The following MFHAS1 variants were observed in gnomAD, a reference collection of about 807,000 sequenced individuals.
The protein encoded by MFHAS1 is malignant fibrous histiocytoma-amplified sequence 1.
In MFHAS1, 50 loss-of-function variants were observed where a neutral mutation model predicts 70.4. That is an observed-to-expected ratio of 0.71 (90% CI 0.57 to 0.90). The LOEUF is 0.90. Among genes scored for constraint, MFHAS1 ranks in the 40% least tolerant of loss-of-function variants. The pLI is 0.00. For missense variants in MFHAS1, 1,795 were observed against 1,347.6 expected (o/e 1.33, Z -5.20); for synonymous variants, 952 against 620.0 (o/e 1.54, Z -7.96).
intron 1 of MFHAS1, among the ~76,000 whole-genome samples, chr8:8,809,791 A>C (rs553251915): frequency 6.6e-6 from 1 of 152,304 alleles, no homozygotes; most frequent in South Asian, 2.1e-4. Context: ...GATTATAAAA[A>C]GCCCACAGTG....
intron 1 of MFHAS1, among the ~76,000 whole-genome samples, chr8:8,881,969 G>A (rs781753356): frequency 4.2e-4 from 64 of 152,198 alleles, no homozygotes; most frequent in Middle Eastern, 3.4e-3. Context: ...AGTGCCCCTT[G>A]CCCACTCTTC....
intron 1 of MFHAS1, among the ~76,000 whole-genome samples, chr8:8,883,511 G>C (rs34315433): frequency 0.2 from 30,000 of 150,822 alleles, 3,430 homozygotes; most frequent in African/African-American, 0.31. Context: ...AGTTCAAGAC[G>C]AGCCTGGCCA....
At chr8:8,866,311 CTTTT>C (rs1808855064) in intron 1 of MFHAS1, among the ~76,000 whole-genome samples, 2 of 149,132 alleles carry the variant, frequency 1.3e-5, no homozygotes, top group Admixed American at 1.4e-4. Flanking sequence ...AGGATCACTT[CTTTT>C]TTGTTTTTTT....
chr8:8,797,376 G>T lies in MFHAS1; in HGVS notation c.3114C>A (p.Ser1038Arg). The T allele has an allele frequency of 6.2e-7, 1 of 1,614,064 alleles. No homozygotes were observed. The highest frequency in any genetic ancestry group is 8.5e-7 in the Non-Finnish European group (1 of 1,179,990). The change falls in exon 2 of 3, where the codon AGC becomes AGA. Residue 1038 changes from serine to arginine, a missense_variant. Coordinates refer to ENST00000276282, the MANE Select transcript of MFHAS1 (RefSeq NM_004225.3). ...CTTTGAGAACTCACTTGGAACAGGG[G>T]CTGATCACAGTCGGCGTGGGTGGGT... ...LVYPPTPTVI[S>R]PCSKKNVGEK...
At chr8:8,790,110 G>A (rs1805674199) in intron 2 of MFHAS1, among the ~76,000 whole-genome samples, 2 of 152,156 alleles carry the variant, frequency 1.3e-5, no homozygotes, top group Non-Finnish European at 2.9e-5. Flanking sequence ...CACTGTCTAT[G>A]CAATATCATA....
chr8:8,853,605 C>T (rs966079824), intron 1 of MFHAS1, among the ~76,000 whole-genome samples: 1 of 152,018 alleles, frequency 6.6e-6, no homozygotes, highest in Non-Finnish European at 1.5e-5. Flanking sequence ...CTTGTTCTGT[C>T]GCCCAGGCTG....
At chr8:8,851,812 A>C (rs441641) in intron 1 of MFHAS1, among the ~76,000 whole-genome samples, 12,377 of 152,230 alleles carry the variant, frequency 0.081, 1,351 homozygotes, top group African/African-American at 0.25. Context: ...ACATGGAAAA[A>C]GAGGAAGTTG....
At chr8:8,812,320 C>T (rs1001653282) in intron 1 of MFHAS1, among the ~76,000 whole-genome samples, 6 of 152,168 alleles carry the variant, frequency 3.9e-5, no homozygotes, top group Non-Finnish European at 8.8e-5. Flanking sequence ...TTAGCATCCC[C>T]CTTTTTGTCC....
chr8:8,888,935 C>T (rs919121765), intron 1 of MFHAS1, among the ~76,000 whole-genome samples: 3 of 148,930 alleles, frequency 2.0e-5, no homozygotes, highest in African/African-American at 5.0e-5. Flanking sequence ...GGTGAAGCTA[C>T]GCATGTGGGG....
intron 2 of MFHAS1, chr8:8,790,578 A>T (rs1012403134): frequency 1.2e-5 from 2 of 163,540 alleles, no homozygotes; most frequent in African/African-American, 4.8e-5. Context: ...AATCAATGCA[A>T]ATCAATGTGA....
At chr8:8,885,017 G>C (rs1809697454) in intron 1 of MFHAS1, among the ~76,000 whole-genome samples, 1 of 151,272 alleles carries the variant, frequency 6.6e-6, no homozygotes, top group Non-Finnish European at 1.5e-5. Flanking sequence ...AAACATCTGA[G>C]AGGCTCTGCA....
At chr8:8,864,963 A>G (rs943466618) in intron 1 of MFHAS1, among the ~76,000 whole-genome samples, 1 of 152,184 alleles carries the variant, frequency 6.6e-6, no homozygotes, top group African/African-American at 2.4e-5. Context: ...GTTTCCACCT[A>G]GATTAAAAAA....
intron 1 of MFHAS1, among the ~76,000 whole-genome samples, chr8:8,871,839 A>G (rs1294562143): frequency 3.3e-5 from 5 of 152,192 alleles, no homozygotes; most frequent in African/African-American, 4.8e-5. Context: ...CTGCTGATAA[A>G]AGATGCAAGG....
chr8:8,807,739 T>C (rs916387093), intron 1 of MFHAS1, among the ~76,000 whole-genome samples: 4 of 152,228 alleles, frequency 2.6e-5, no homozygotes, highest in African/African-American at 9.7e-5. Context: ...AGTAAATTAA[T>C]AGTGGGACAC....
intron 1 of MFHAS1, among the ~76,000 whole-genome samples, chr8:8,801,927 C>T (rs1806095427): frequency 6.6e-6 from 1 of 152,180 alleles, no homozygotes; most frequent in Admixed American, 6.5e-5. Context: ...CTGGGAAAGA[C>T]TTCAGAGTGG....
intron 1 of MFHAS1, among the ~76,000 whole-genome samples, chr8:8,860,256 G>T (rs1808612171): frequency 6.6e-6 from 1 of 152,108 alleles, no homozygotes; most frequent in Non-Finnish European, 1.5e-5. Context: ...CACTCTCTTT[G>T]GTGGCAGATG....
rs779109677 is a variant in MFHAS1, at chr8:8,891,945, T to C, written c.1114A>G (p.Ile372Val). The change falls in exon 1 of 3, where the codon ATC (isoleucine) becomes GTC (valine). Residue 372 changes from isoleucine (I) to valine (V), a missense_variant. Transcript: ENST00000276282. The surrounding 1 kb of genome is among the most constrained non-coding windows in gnomAD (Gnocchi z 5.4). ...GGCTGGATCAGTGGGTTGTCTTTGATCTTCCACAAACCCACCCGGGAGAGC... is the reference window on the plus strand; with the variant it reads ...GGCTGGATCAGTGGGTTGTCTTTGACCTTCCACAAACCCACCCGGGAGAGC... ...GQLSRVGLWK[I>V]KDNPLIQPPY... 1.2e-6 allele frequency: 2 copies of C among 1,611,734 alleles called. No individual in the cohort carries two copies. Among genetic ancestry groups the C allele is most frequent in the East Asian group, 2.2e-5 (1 of 44,834 alleles).
intron 1 of MFHAS1, among the ~76,000 whole-genome samples, chr8:8,875,759 T>A (rs2116918542): frequency 6.6e-6 from 1 of 152,174 alleles, no homozygotes; most frequent in Non-Finnish European, 1.5e-5. Flanking sequence ...CTCAGCTAAT[T>A]TTTGCAATTT....
At chr8:8,818,434 G>T (rs1806825614) in intron 1 of MFHAS1, among the ~76,000 whole-genome samples, 1 of 152,190 alleles carries the variant, frequency 6.6e-6, no homozygotes, top group African/African-American at 2.4e-5. Context: ...TTTCTACGAG[G>T]AAGAGAAGGA....
Sources: allele counts gnomAD v4.1 joint callset (sites outside exome capture counted in the v4.1 genomes callset), GRCh38; gene constraint gnomAD v4.1.1; non-coding constraint Gnocchi (gnomAD v3.1); transcripts MANE v1.5; gene names NCBI Gene and HGNC (gene_info 2026-07-23, HGNC 2026-07-21).